Variants in MTFMT observed in about 807,000 individuals in gnomAD.
MTFMT encodes mitochondrial methionyl-tRNA formyltransferase, also known as methionyl-tRNA formyltransferase, mitochondrial.
MTFMT carries 47 observed loss-of-function variants against 51.8 expected under a neutral mutation model. The ratio of observed to expected loss-of-function variants is 0.91; its 90% CI spans 0.72 to 1.16. The LOEUF is 1.16. Among genes scored for constraint, MTFMT ranks in the 50% most tolerant of loss-of-function variants. The pLI, the probability that MTFMT is intolerant of heterozygous loss-of-function variation, is 0.00. For synonymous variants in MTFMT, 196 were observed against 176.7 expected, an observed-to-expected ratio of 1.11 and a Z score of -0.87; for missense variants, 512 against 482.3, an observed-to-expected ratio of 1.06 and a Z score of -0.58.
Position 65,016,507 on chromosome 15 carries a change from T to C in MTFMT, c.742A>G (p.Thr248Ala), listed in dbSNP as rs1170618163. 6.2e-7 allele frequency: 1 copy of C among 1,611,838 alleles called. No individual in the cohort carries two copies. The highest frequency in any genetic ancestry group is 8.5e-7 in the Non-Finnish European group (1 of 1,178,420). The change falls in exon 6 of 9, where the codon ACC becomes GCC. Residue 248 changes from threonine (T) to alanine (A), a missense_variant. Transcript: ENST00000220058. ...ATYAPKISAG[T>A]SCIKWEEQTS... ...TGTTCCTCCCATTTTATACAACTGGTACCAGCAGAAATCTTAGGGGCTACA... is the reference window on the plus strand; with the variant it reads ...TGTTCCTCCCATTTTATACAACTGGCACCAGCAGAAATCTTAGGGGCTACA...
In MTFMT at chr15:65,002,962, CA is replaced by C. The variant is rs398027674; in HGVS notation, c.*99del. 28,201 of 322,840 alleles carry C rather than the reference CA, an allele frequency of 0.087. 5 individuals carry two copies. Among genetic ancestry groups the C allele is most frequent in the East Asian group, 0.14 (2,383 of 17,034 alleles). The allele number at this position is 322,840 out of a possible 1,614,324, so 20.0% of individuals were successfully genotyped here. On this transcript the variant is annotated 3_prime_UTR_variant, in exon 9 of 9. Transcript: ENST00000220058. ...TGGGTGACAGAGTGAGACTCTGTCT[CA>C]AAAAAAAAAAAAAAAAAAAAAGTCC...
chr15:65,011,431 AG>A (rs1595889178), intron 6 of MTFMT, among the ~76,000 whole-genome samples: 1 of 146,438 alleles, frequency 6.8e-6, no homozygotes, highest in African/African-American at 2.5e-5. Flanking sequence ...TCTGGATATT[AG>A]GCCCTTATCA....
intron 8 of MTFMT, among the ~76,000 whole-genome samples, chr15:65,003,968 T>C (rs556489082): frequency 9.9e-5 from 15 of 152,100 alleles, no homozygotes; most frequent in Non-Finnish European, 1.8e-4. Context: ...TTGATGGAGT[T>C]TTGTATTCAC....
rs536213292 is a variant in MTFMT, at chr15:65,011,485, CTT to C, written c.813+4949_813+4950del. Among the ~76,000 whole-genome samples the C allele has an allele frequency of 4.0e-3, 295 of 74,038 alleles. 1 individual carries two copies. The South Asian group carries it at 0.041, about 10-fold the overall frequency. The allele number at this position is 74,038 out of a possible 152,430, so 48.6% of individuals were successfully genotyped here. On this transcript the variant is annotated intron_variant, in intron 6 of 8. Coordinates refer to ENST00000220058, the MANE Select transcript of MTFMT (RefSeq NM_139242.4). ...TATTCCCTCCCATTCTGTAAGCTGT[CTT>C]TTTTTTTTTTTTTTTTTTTTTTTTT... is the stretch of plus-strand genomic sequence containing the variant.
At chr15:65,016,964 T>G (rs2086328952) in intron 5 of MTFMT, among the ~76,000 whole-genome samples, 1 of 151,584 alleles carries the variant, frequency 6.6e-6, no homozygotes, top group South Asian at 2.1e-4. Flanking sequence ...GTATTTTTAG[T>G]AGAGACAGGG....
chr15:65,018,451 C>G (rs145138024), intron 5 of MTFMT, among the ~76,000 whole-genome samples: 135 of 151,920 alleles, frequency 8.9e-4, no homozygotes, highest in African/African-American at 3.2e-3. Flanking sequence ...TAAGGAAAAC[C>G]CTTTAATGAT....
At chr15:65,022,923 C>A (rs1185235314) in intron 3 of MTFMT, among the ~76,000 whole-genome samples, 1 of 152,020 alleles carries the variant, frequency 6.6e-6, no homozygotes, top group Non-Finnish European at 1.5e-5. Context: ...CTCCCAGACT[C>A]AAGTGATCCT....
intron 1 of MTFMT, among the ~76,000 whole-genome samples, chr15:65,028,024 C>T (rs557302942): frequency 6.6e-6 from 1 of 152,314 alleles, no homozygotes; most frequent in East Asian, 1.9e-4. Context: ...ATTTATTAAA[C>T]AGGTATTGTA....
chr15:65,028,106 C>T (rs554648184), intron 1 of MTFMT, among the ~76,000 whole-genome samples: 1 of 152,190 alleles, frequency 6.6e-6, no homozygotes, highest in African/African-American at 2.4e-5. Flanking sequence ...AATGGAGCTG[C>T]CAAGTGAAGC....
intron 1 of MTFMT, 44 bp downstream of exon 1, chr15:65,029,361 G>A (rs1309924370): frequency 7.1e-7 from 1 of 1,405,874 alleles, no homozygotes; most frequent in Non-Finnish European, 9.2e-7. Flanking sequence ...GGCGCGGCCT[G>A]GAGGCCTTCA....
intron 4 of MTFMT, among the ~76,000 whole-genome samples, chr15:65,020,852 T>C (rs1278688538): frequency 2.0e-5 from 3 of 152,206 alleles, no homozygotes; most frequent in Non-Finnish European, 2.9e-5. Flanking sequence ...TCTAGAACAG[T>C]TGTAGAACAC....
intron 2 of MTFMT, among the ~76,000 whole-genome samples, chr15:65,025,239 A>AG (rs963700378): frequency 6.6e-6 from 1 of 151,048 alleles, no homozygotes; most frequent in Non-Finnish European, 1.5e-5. Flanking sequence ...CTAAAAAAAA[A>AG]AAAAAAAAAA....
intron 4 of MTFMT, among the ~76,000 whole-genome samples, chr15:65,020,690 G>C (rs1275920475): frequency 6.6e-6 from 1 of 152,202 alleles, no homozygotes; most frequent in Non-Finnish European, 1.5e-5. Context: ...CCCAGCTCTG[G>C]GTTCAAGTCC....
chr15:65,006,257 C>G, intron 6 of MTFMT, 66 bp from the exon 7 acceptor site: 1 of 1,274,402 alleles, frequency 7.8e-7, no homozygotes, highest in Non-Finnish European at 1.1e-6. Flanking sequence ...TTTTCAACTA[C>G]TATTTTGTGT....
intron 6 of MTFMT, among the ~76,000 whole-genome samples, chr15:65,015,110 A>G (rs2086307565): frequency 6.6e-6 from 1 of 152,178 alleles, no homozygotes; most frequent in Admixed American, 6.5e-5. Context: ...GATACTGTAC[A>G]AGATGCTGTA....
Position 65,023,797 on chromosome 15 carries a change from G to T in MTFMT, c.420-3C>A. On this transcript the variant is annotated splice_polypyrimidine_tract_variant and splice_region_variant and intron_variant, in intron 2 of 8. Coordinates refer to ENST00000220058, the MANE Select transcript of MTFMT (RefSeq NM_139242.4). ...TGGGATGAACATTCAATATGCCACT[G>T]AGTTAGAAAATGTAGAAATTAGTAT... 1 of 1,608,706 alleles carries T rather than the reference G, an allele frequency of 6.2e-7. No homozygotes were observed.
rs767904945 is a variant in MTFMT at position 65,020,160 on chromosome 15, C to G, written c.721+37G>C. The G allele has an allele frequency of 4.4e-6, 7 of 1,580,262 alleles. No individual in the cohort carries two copies. The South Asian group carries it at 8.1e-5, about 18-fold the overall frequency. On this transcript the variant is annotated intron_variant, in intron 5 of 8. Coordinates refer to ENST00000220058, the MANE Select transcript of MTFMT (RefSeq NM_139242.4). ...CAGATGCTATCGTGACAAGCAGAAC[C>G]TTTAGAAAGATGAGAGTCTCTGCAG...
chr15:65,020,258 CA>C lies in MTFMT; in HGVS notation c.659del (p.Leu220Ter), dbSNP rs1406541405. ...TGCTCAGACTTTCAGGCAAATTTTT[CA>C]AAACTGAAATGAGCTACAAAAAAAA... is the stretch of plus-strand genomic sequence containing the variant. ...RLGANMLISV[L>X]KNLPESLSNG... On this transcript the variant is annotated frameshift_variant, in exon 5 of 9. Transcript: ENST00000220058. LOFTEE classifies it high-confidence loss of function. The C allele has an allele frequency of 1.3e-6, 2 of 1,562,070 alleles. No individual in the cohort carries two copies. The highest frequency in any genetic ancestry group is 1.7e-6 in the Non-Finnish European group (2 of 1,159,894).
intron 1 of MTFMT, among the ~76,000 whole-genome samples, chr15:65,028,988 G>A (rs1195984518): frequency 6.6e-6 from 1 of 152,162 alleles, no homozygotes; most frequent in Non-Finnish European, 1.5e-5. Context: ...AGGGAACTTT[G>A]AAGTGGGACC....
Sources: allele counts gnomAD v4.1 joint callset (sites outside exome capture counted in the v4.1 genomes callset), GRCh38; gene constraint gnomAD v4.1.1; transcripts MANE v1.5; gene names NCBI Gene and HGNC (gene_info 2026-07-23, HGNC 2026-07-21).